The following ATP2B1 variants were observed in gnomAD, a reference collection of about 807,000 sequenced individuals.
ATP2B1 encodes the protein ATPase plasma membrane Ca2+ transporting 1, also known as plasma membrane calcium-transporting ATPase 1.
A neutral mutation model predicts 124.2 loss-of-function variants in ATP2B1; 14 were observed. That is an observed-to-expected ratio of 0.11 (90% CI 0.07 to 0.18). ATP2B1 has a LOEUF of 0.18. Among genes scored for constraint, ATP2B1 ranks in the 10% least tolerant of loss-of-function variants. ATP2B1 has a pLI of 1.00. For synonymous variants in ATP2B1, 449 were observed against 492.4 expected (o/e 0.91, Z 1.17); for missense variants, 763 against 1,466.1 (o/e 0.52, Z 7.83).
intron 3 of ATP2B1, 138 bp from the exon 4 acceptor site, chr12:89,635,389 A>G (rs1286484927): frequency 1.9e-6 from 2 of 1,079,078 alleles, no homozygotes; most frequent in Non-Finnish European, 1.3e-6. Context: ...TATTAAATTC[A>G]AAGTATTCCA....
At chr12:89,610,709 T>C in intron 13 of ATP2B1, 2 of 516,898 alleles carry the variant, frequency 3.9e-6, no homozygotes, top group East Asian at 3.1e-5. Context: ...CCCAGCAATC[T>C]GTGTTTTAAT....
chr12:89,656,951 ACACT>A (rs1309543922), intron 1 of ATP2B1, among the ~76,000 whole-genome samples: 2 of 152,220 alleles, frequency 1.3e-5, no homozygotes, highest in African/African-American at 2.4e-5. Context: ...CACATGGTAG[ACACT>A]CAGTAAAAGT....
At chr12:89,676,034 T>A (rs1888566384) in intron 1 of ATP2B1, among the ~76,000 whole-genome samples, 1 of 152,062 alleles carries the variant, frequency 6.6e-6, no homozygotes, top group Non-Finnish European at 1.5e-5. Flanking sequence ...GTTAATTATG[T>A]CTGATATGTA....
chr12:89,590,146 G>T lies in ATP2B1; in HGVS notation c.*838C>A, dbSNP rs1202987151. The T allele has an allele frequency of 6.6e-6, 1 of 152,478 alleles. No homozygotes were observed. The highest frequency in any genetic ancestry group is 1.5e-5 in the Non-Finnish European group (1 of 67,986). 9.4% of individuals were successfully genotyped at this position (152,478 alleles called of 1,614,324 possible). On this transcript the variant is annotated 3_prime_UTR_variant, in exon 21 of 21. Transcript: ENST00000428670. The stretch of plus-strand genomic sequence containing the variant: ...CAATCTACTAAATTCTGAACAAAAG[G>T]TTATTAGCAAGTTTTCAAAAATTTT...
rs763022491 is a variant in ATP2B1, at chr12:89,659,697, C to T, written c.-221-3590G>A. On this transcript the variant is annotated intron_variant, in intron 1 of 20. Transcript: ENST00000428670. ...CAGCACTTTGGGAGGCCGAGGCGGGCGGATCACGAGGTCAGGAGATCAAGA... is the reference window on the plus strand; with the variant it reads ...CAGCACTTTGGGAGGCCGAGGCGGGTGGATCACGAGGTCAGGAGATCAAGA... 1.2e-3 allele frequency among the ~76,000 whole-genome samples: 186 copies of T among 151,906 alleles called. 3 individuals carry two copies. Among genetic ancestry groups the T allele is most frequent in the Middle Eastern group, 3.4e-3 (1 of 292 alleles).
intron 1 of ATP2B1, among the ~76,000 whole-genome samples, chr12:89,692,148 C>T (rs944451245): frequency 5.3e-5 from 8 of 151,754 alleles, no homozygotes; most frequent in Non-Finnish European, 7.4e-5. Flanking sequence ...GACAAAGCTG[C>T]TAAAGAGGTT....
At chr12:89,670,432 G>GT (rs1887813782) in intron 1 of ATP2B1, among the ~76,000 whole-genome samples, 1 of 140,938 alleles carries the variant, frequency 7.1e-6, no homozygotes, top group African/African-American at 2.6e-5. Context: ...GTTTTGGTTT[G>GT]TTTTTTTCAA....
chr12:89,658,296 G>C (rs550703847), intron 1 of ATP2B1, among the ~76,000 whole-genome samples: 5 of 152,240 alleles, frequency 3.3e-5, no homozygotes, highest in African/African-American at 1.2e-4. Context: ...TGCCTGATAG[G>C]AGATTTTCCT....
rs199698729 is a variant in ATP2B1 at position 89,630,596 on chromosome 12, A to T, written c.837T>A (p.Gly279=). The T allele has an allele frequency of 6.2e-7, 1 of 1,602,412 alleles. No homozygotes were observed. Among genetic ancestry groups the T allele is most frequent in the African/African-American group, 1.3e-5 (1 of 74,398 alleles). ...GSGRMVVTAV[G]VNSQTGIIFT... Reference sequence around the variant, plus strand: ...AGATAATTCCAGTTTGAGAATTTACACCTACAGCTGTAACTACCATTCTTC... The same window carrying T: ...AGATAATTCCAGTTTGAGAATTTACTCCTACAGCTGTAACTACCATTCTTC... The change falls in exon 6 of 21, where the codon GGT becomes GGA. Residue 279 remains glycine, a synonymous_variant. Coordinates refer to ENST00000428670, the MANE Select transcript of ATP2B1 (RefSeq NM_001366521.1).
At chr12:89,614,452 C>T (rs1251800174) in intron 12 of ATP2B1, among the ~76,000 whole-genome samples, 1 of 152,168 alleles carries the variant, frequency 6.6e-6, no homozygotes, top group Non-Finnish European at 1.5e-5. Flanking sequence ...AATTACAAAA[C>T]CCCAAACCAA....
intron 1 of ATP2B1, among the ~76,000 whole-genome samples, chr12:89,704,495 G>A (rs1364536920): frequency 1.3e-5 from 2 of 151,832 alleles, no homozygotes; most frequent in African/African-American, 4.8e-5. Flanking sequence ...TTACATAAAC[G>A]TGTATAATGA....
chr12:89,615,111 C>T (rs1334767146), intron 12 of ATP2B1, among the ~76,000 whole-genome samples: 2 of 152,152 alleles, frequency 1.3e-5, no homozygotes, highest in East Asian at 3.9e-4. Context: ...CTCTTTTCCA[C>T]CTTTAAAATA....
intron 1 of ATP2B1, among the ~76,000 whole-genome samples, chr12:89,682,562 T>C (rs559505818): frequency 6.6e-6 from 1 of 152,156 alleles, no homozygotes; most frequent in Admixed American, 6.5e-5. Flanking sequence ...CATACAGAAA[T>C]AAATATATGA....
chr12:89,603,681 A>C lies in ATP2B1; in HGVS notation c.2848+31T>G, dbSNP rs949667880. The C allele has an allele frequency of 2.5e-6, 4 of 1,589,810 alleles. No homozygotes were observed. In the African/African-American group the frequency reaches 5.4e-5, roughly 21 times the overall value. ...GATTAGCTTGGAAAAGAAACAATTA[A>C]CTGAAGCTTTATTAGACACTGAATT... On this transcript the variant is annotated intron_variant, in intron 17 of 20. Coordinates refer to ENST00000428670, the MANE Select transcript of ATP2B1 (RefSeq NM_001366521.1). This position sits in a 1 kb window ranked among gnomAD's most constrained non-coding sequence, Gnocchi z 4.3.
intron 1 of ATP2B1, among the ~76,000 whole-genome samples, chr12:89,677,339 T>C (rs893752061): frequency 2.6e-5 from 4 of 152,142 alleles, no homozygotes; most frequent in Non-Finnish European, 4.4e-5. Flanking sequence ...GTAGTGATTA[T>C]ACCTTCTCCC....
At chr12:89,638,255 A>C (rs1883000532) in intron 3 of ATP2B1, among the ~76,000 whole-genome samples, 1 of 152,204 alleles carries the variant, frequency 6.6e-6, no homozygotes, top group African/African-American at 2.4e-5. Context: ...AATATATTCA[A>C]CTGAGAGACA....
At chr12:89,708,194 C>A (rs1370988922) in intron 1 of ATP2B1, among the ~76,000 whole-genome samples, 1 of 152,128 alleles carries the variant, frequency 6.6e-6, no homozygotes, top group East Asian at 1.9e-4. Flanking sequence ...GAGTGCCGGG[C>A]ACGGTGCCCT....
At chr12:89,677,971 T>TATATACACACACAC (rs1461216851) in intron 1 of ATP2B1, among the ~76,000 whole-genome samples, 3 of 52,324 alleles carry the variant, frequency 5.7e-5, no homozygotes, top group Non-Finnish European at 1.2e-4. Context: ...TATATATATA[T>TATATACACACACAC]ACACACACAC....
chr12:89,643,165 T>C (rs1029377389), intron 2 of ATP2B1, among the ~76,000 whole-genome samples: 5 of 150,602 alleles, frequency 3.3e-5, no homozygotes, highest in Admixed American at 1.3e-4. Context: ...TATATGTATG[T>C]ATGTATATAT....
Sources: allele counts gnomAD v4.1 joint callset (sites outside exome capture counted in the v4.1 genomes callset), GRCh38; gene constraint gnomAD v4.1.1; non-coding constraint Gnocchi (gnomAD v3.1); transcripts MANE v1.5; gene names NCBI Gene and HGNC (gene_info 2026-07-23, HGNC 2026-07-21).